FAM163B: variants seen among roughly 807,000 people sequenced by gnomAD.
FAM163B encodes the protein family with sequence similarity 163 member B.
In FAM163B, 4 loss-of-function variants were observed where a neutral mutation model predicts 7.6. That is an observed-to-expected ratio of 0.52 (90% CI 0.26 to 1.20). The LOEUF (loss-of-function observed/expected upper bound fraction) is 1.20, where lower values mean the gene tolerates loss of function less well. Ranked by LOEUF, FAM163B falls within the 50% of genes most tolerant of loss-of-function variation. The pLI is 0.14. For synonymous variants in FAM163B, 120 were observed against 111.6 expected (o/e 1.07, Z -0.47); for missense variants, 250 against 243.0 (o/e 1.03, Z -0.19).
intron 1 of FAM163B, among the ~76,000 whole-genome samples, chr9:133,597,886 A>C (rs1276162334): frequency 2.0e-5 from 3 of 152,124 alleles, no homozygotes; most frequent in African/African-American, 7.2e-5. Flanking sequence ...AATCCAGAAA[A>C]AGAAAAAAAA....
rs77325029 is a variant in FAM163B, at chr9:133,594,553, A to G, written c.-23-14307T>C. Reference sequence around the variant, plus strand: ...ATGGCTCCCTCTTCTGGGCTCTAGTAGCACCCTCTGTCTGCACCACATGTT... The same window carrying G: ...ATGGCTCCCTCTTCTGGGCTCTAGTGGCACCCTCTGTCTGCACCACATGTT... On this transcript the variant is annotated intron_variant, in intron 1 of 2. Transcript: ENST00000673969. 1.7e-4 allele frequency among the ~76,000 whole-genome samples: 26 copies of G among 152,198 alleles called. 1 individual carries two copies. The East Asian group carries it at 4.8e-3, about 28-fold the overall frequency.
At chr9:133,580,564 C>A (rs1307713885) in intron 1 of FAM163B, among the ~76,000 whole-genome samples, 1 of 152,190 alleles carries the variant, frequency 6.6e-6, no homozygotes, top group Non-Finnish European at 1.5e-5. Context: ...CAATGAATGG[C>A]GCCCTTCCAG....
chr9:133,590,726 AG>A (rs1831540214), intron 1 of FAM163B, among the ~76,000 whole-genome samples: 1 of 152,182 alleles, frequency 6.6e-6, no homozygotes, highest in South Asian at 2.1e-4. Context: ...GACACATGGA[AG>A]GCACCCCAGA....
chr9:133,577,117 G>A lies in FAM163B; in HGVS notation c.*1905C>T, dbSNP rs1011449577. Among the ~76,000 whole-genome samples the A allele has an allele frequency of 4.5e-4, 68 of 152,332 alleles. No individual in the cohort carries two copies. The highest frequency in any genetic ancestry group is 7.5e-4 in the Non-Finnish European group (51 of 68,034). On this transcript the variant is annotated 3_prime_UTR_variant, in exon 3 of 3. Transcript: ENST00000673969. Reference sequence around the variant, plus strand: ...TTTTATTGGCTTTCACTTTCCTCAGGGAGCCAGCGGCTCCCCCAGCAGGTC... The same window carrying A: ...TTTTATTGGCTTTCACTTTCCTCAGAGAGCCAGCGGCTCCCCCAGCAGGTC...
At chr9:133,579,479 ACCGACATGTGGGAAAGGCTACC>A (rs1831320612) in intron 2 of FAM163B, 50 bp from the exon 3 acceptor site, 4 of 1,507,488 alleles carry the variant, frequency 2.7e-6, no homozygotes, top group Non-Finnish European at 3.5e-6. Context: ...CCACCCCAGA[ACCGACATGTGGGAAAGGCTACC>A]CCTGACTGGG....
At chr9:133,608,623 C>G (rs926016854) in intron 1 of FAM163B, among the ~76,000 whole-genome samples, 30 of 152,194 alleles carry the variant, frequency 2.0e-4, no homozygotes, top group African/African-American at 6.8e-4. Context: ...GGGCCAATGC[C>G]CCTTTCTCGT....
intron 1 of FAM163B, among the ~76,000 whole-genome samples, chr9:133,589,344 T>G (rs1352587190): frequency 6.6e-6 from 1 of 152,156 alleles, no homozygotes; most frequent in Non-Finnish European, 1.5e-5. Flanking sequence ...AGGCAAAGAT[T>G]ATTATTATGC....
intron 1 of FAM163B, among the ~76,000 whole-genome samples, chr9:133,588,844 T>G (rs1052904305): frequency 6.6e-6 from 1 of 151,526 alleles, no homozygotes; most frequent in Non-Finnish European, 1.5e-5. Flanking sequence ...GGGCGCCAAG[T>G]TGTTGGTAGA....
chr9:133,577,371 G>A lies in FAM163B; in HGVS notation c.*1651C>T, dbSNP rs1425485181. ...AGGTGTGGGCGGGCCCGGGGGGCCGGGGCTGCGAGGGACCTCAAGGGCGAA... is the reference window on the plus strand; with the variant it reads ...AGGTGTGGGCGGGCCCGGGGGGCCGAGGCTGCGAGGGACCTCAAGGGCGAA... On this transcript the variant is annotated 3_prime_UTR_variant, in exon 3 of 3. Transcript: ENST00000673969. 2.0e-5 allele frequency among the ~76,000 whole-genome samples: 3 copies of A among 152,090 alleles called. No homozygotes were observed. The highest frequency in any genetic ancestry group is 7.2e-5 in the African/African-American group (3 of 41,426).
At chr9:133,602,886 C>A (rs1179271083) in intron 1 of FAM163B, among the ~76,000 whole-genome samples, 6 of 152,132 alleles carry the variant, frequency 3.9e-5, no homozygotes, top group Admixed American at 6.5e-5. Flanking sequence ...TCATTATATC[C>A]CAGAATCAGC....
In FAM163B at chr9:133,578,816, C is replaced by T. The variant is rs1031749019; in HGVS notation, c.*206G>A. 3.1e-6 allele frequency: 3 copies of T among 959,210 alleles called. No individual in the cohort carries two copies. Among genetic ancestry groups the T allele is most frequent in the Non-Finnish European group, 4.3e-6 (3 of 697,082 alleles). 59.4% of individuals were successfully genotyped at this position (959,210 alleles called of 1,614,324 possible). ...TTCTAGCCCCAGGCCCCAGCTGTGC[C>T]TCCCCCCAGGACACATTTGTGTTCA... is the stretch of plus-strand genomic sequence containing the variant. On this transcript the variant is annotated 3_prime_UTR_variant, in exon 3 of 3. Coordinates refer to ENST00000673969, the MANE Select transcript of FAM163B (RefSeq NM_001080515.3).
rs764251957 is a variant in FAM163B, at chr9:133,601,095, C to T, written c.-24+7982G>A. Among the ~76,000 whole-genome samples the T allele has an allele frequency of 5.6e-4, 85 of 152,320 alleles. No individual in the cohort carries two copies. Among genetic ancestry groups the T allele is most frequent in the Non-Finnish European group, 5.9e-5 (4 of 68,020 alleles). ...GAGGGCAGCAGAGCCTGTGAGCTGA[C>T]AACCCTTCTTCCATCCCTCACTCTA... is the stretch of plus-strand genomic sequence containing the variant. On this transcript the variant is annotated intron_variant, in intron 1 of 2. Coordinates refer to ENST00000673969, the MANE Select transcript of FAM163B (RefSeq NM_001080515.3). The surrounding 1 kb of genome is among the most constrained non-coding windows in gnomAD (Gnocchi z 4.1).
intron 1 of FAM163B, among the ~76,000 whole-genome samples, chr9:133,584,756 GC>G (rs1353478389): frequency 6.6e-6 from 1 of 152,186 alleles, no homozygotes; most frequent in Non-Finnish European, 1.5e-5. Context: ...GAAGGAGAGG[GC>G]CTGTTGGTGC....
In FAM163B at chr9:133,578,936, G is replaced by A. The variant is rs904392839; in HGVS notation, c.*86C>T. On this transcript the variant is annotated 3_prime_UTR_variant, in exon 3 of 3. Transcript: ENST00000673969. ...AGGAGGGCTCAGCCAAGCCCCACTT[G>A]GGGCCTGGGGCCAGGTGGGTGTGCC... 1.3e-5 allele frequency: 19 copies of A among 1,437,938 alleles called. No homozygotes were observed. In the African/African-American group the frequency reaches 1.4e-4, roughly 11 times the overall value. The allele number at this position is 1,437,938 out of a possible 1,614,324, so 89.1% of individuals were successfully genotyped here.
chr9:133,604,388 G>A (rs753017719), intron 1 of FAM163B, among the ~76,000 whole-genome samples: 8 of 152,152 alleles, frequency 5.3e-5, no homozygotes, highest in South Asian at 4.2e-4. Flanking sequence ...CTGGTCTCTC[G>A]GTGGTGCCCA....
At chr9:133,597,523 C>T (rs1831649361) in intron 1 of FAM163B, among the ~76,000 whole-genome samples, 1 of 152,090 alleles carries the variant, frequency 6.6e-6, no homozygotes, top group South Asian at 2.1e-4. Flanking sequence ...ATACGTATAA[C>T]TGGAATCTCC....
Position 133,578,827 on chromosome 9 carries a change from A to C in FAM163B, c.*195T>G. 1 of 1,062,320 alleles carries C rather than the reference A, an allele frequency of 9.4e-7. No individual in the cohort carries two copies. Among genetic ancestry groups the C allele is most frequent in the Non-Finnish European group, 1.3e-6 (1 of 777,780 alleles). The allele number at this position is 1,062,320 out of a possible 1,614,324, so 65.8% of individuals were successfully genotyped here. ...GGCCCCAGCTGTGCCTCCCCCCAGG[A>C]CACATTTGTGTTCAATGAGCCTTAT... On this transcript the variant is annotated 3_prime_UTR_variant, in exon 3 of 3. Coordinates refer to ENST00000673969, the MANE Select transcript of FAM163B (RefSeq NM_001080515.3).
intron 1 of FAM163B, among the ~76,000 whole-genome samples, chr9:133,592,507 C>G (rs191923472): frequency 8.9e-4 from 135 of 152,276 alleles, no homozygotes; most frequent in Admixed American, 2.6e-3. Context: ...GGAAGGTGCC[C>G]ACGCTGGCTG....
At chr9:133,596,490 G>T (rs1023120983) in intron 1 of FAM163B, among the ~76,000 whole-genome samples, 1 of 152,140 alleles carries the variant, frequency 6.6e-6, no homozygotes, top group Non-Finnish European at 1.5e-5. Context: ...GCCCAGGCTT[G>T]CCCTCCTGCT....
Sources: allele counts gnomAD v4.1 joint callset (sites outside exome capture counted in the v4.1 genomes callset), GRCh38; gene constraint gnomAD v4.1.1; non-coding constraint Gnocchi (gnomAD v3.1); transcripts MANE v1.5; gene names NCBI Gene and HGNC (gene_info 2026-07-23, HGNC 2026-07-21).